Variants in PCDH11Y observed in about 807,000 individuals in gnomAD.
PCDH11Y encodes protocadherin 11 Y-linked, also known as protocadherin-11 Y-linked.
For synonymous variants in PCDH11Y, 9 were observed against 83.6 expected (o/e 0.11, Z 4.87); for missense variants, 12 against 224.8 (o/e 0.05, Z 6.05).
chrY:5,349,475 C>G, intron 2 of PCDH11Y, among the ~76,000 whole-genome samples: 1 of 32,948 alleles, frequency 3.0e-5, no homozygotes, highest in Non-Finnish European at 7.4e-5. Context: ...ATTGTGAGCT[C>G]CATGTGGGTT....
At chrY:5,326,241 G>A in intron 2 of PCDH11Y, among the ~76,000 whole-genome samples, 4 of 32,793 alleles carry the variant, frequency 1.2e-4, no homozygotes, top group African/African-American at 4.8e-4. Flanking sequence ...TTCAGTGAAA[G>A]TGTCTATTTA....
intron 1 of PCDH11Y, among the ~76,000 whole-genome samples, chrY:5,095,023 A>G: frequency 3.0e-5 from 1 of 32,984 alleles, no homozygotes; most frequent in Non-Finnish European, 7.6e-5. Flanking sequence ...AGCAAAGGCC[A>G]ACTCAAAATT....
At chrY:5,116,354 TC>T in intron 2 of PCDH11Y, among the ~76,000 whole-genome samples, 1 of 33,588 alleles carries the variant, frequency 3.0e-5, no homozygotes, top group East Asian at 8.1e-4. Flanking sequence ...TTTTCAATCA[TC>T]CCAGATAAAA....
intron 2 of PCDH11Y, among the ~76,000 whole-genome samples, chrY:5,442,395 A>C: frequency 3.1e-5 from 1 of 32,443 alleles, no homozygotes. Context: ...ATCTCCTGGA[A>C]TTGTGAGCCC....
intron 4 of PCDH11Y, among the ~76,000 whole-genome samples, chrY:5,691,759 A>C: frequency 6.3e-5 from 2 of 31,943 alleles, no homozygotes; most frequent in Non-Finnish European, 1.5e-4. Flanking sequence ...TTTAAAAAAC[A>C]AACTGAGGGC....
At chrY:5,683,256 C>CA (rs2053560292) in intron 4 of PCDH11Y, among the ~76,000 whole-genome samples, 1 of 31,780 alleles carries the variant, frequency 3.1e-5, no homozygotes, top group African/African-American at 1.2e-4. Context: ...TAGGAATTGG[C>CA]AAAAAAAGTG....
intron 4 of PCDH11Y, among the ~76,000 whole-genome samples, chrY:5,597,831 A>C (rs2124699194): frequency 3.1e-5 from 1 of 32,399 alleles, no homozygotes; most frequent in Admixed American, 2.9e-4. Context: ...GGGAAAGGGT[A>C]GGAGAGGGGT....
At chrY:5,338,759 C>T in intron 2 of PCDH11Y, 1 of 265,268 alleles carries the variant, frequency 3.8e-6, no homozygotes, top group Non-Finnish European at 6.1e-6. Flanking sequence ...TACATTATAA[C>T]CCCTGATACA....
At chrY:5,688,349 C>T in intron 4 of PCDH11Y, among the ~76,000 whole-genome samples, 1 of 30,056 alleles carries the variant, frequency 3.3e-5, no homozygotes, top group Non-Finnish European at 8.0e-5. Flanking sequence ...AAATTTTGAG[C>T]CATGGGCAAT....
chrY:5,298,616 G>A, intron 2 of PCDH11Y, among the ~76,000 whole-genome samples: 2 of 33,243 alleles, frequency 6.0e-5, no homozygotes, highest in African/African-American at 1.2e-4. Flanking sequence ...TCATTTACAC[G>A]TGGTCATTCA....
At chrY:5,706,998 G>A (rs2053583429) in intron 4 of PCDH11Y, among the ~76,000 whole-genome samples, 1 of 32,358 alleles carries the variant, frequency 3.1e-5, no homozygotes, top group Admixed American at 2.8e-4. Flanking sequence ...TCCTAGGGAA[G>A]CATTACTGTG....
chrY:5,400,733 C>T (rs1602919817), intron 2 of PCDH11Y, among the ~76,000 whole-genome samples: 1 of 23,848 alleles, frequency 4.2e-5, no homozygotes, highest in Non-Finnish European at 9.8e-5. Flanking sequence ...AAAGGAAAAG[C>T]AAGCAGATAT....
At chrY:5,656,529 C>T in intron 4 of PCDH11Y, among the ~76,000 whole-genome samples, 2 of 29,963 alleles carry the variant, frequency 6.7e-5, no homozygotes, top group Middle Eastern at 0.014. Flanking sequence ...ATTTTCCCCC[C>T]CAAAAGTGAA....
chrY:5,115,551 A>G, intron 2 of PCDH11Y, among the ~76,000 whole-genome samples: 1 of 30,827 alleles, frequency 3.2e-5, no homozygotes, highest in Non-Finnish European at 7.7e-5. Context: ...TCAAATGTAC[A>G]TATATGTATG....
At chrY:5,739,674 C>T in exon 5 of PCDH11Y, 3 of 33,012 alleles carry the variant, frequency 9.1e-5, no homozygotes, top group South Asian at 6.7e-4. Context: ...GGTTAAGTAG[C>T]GTTTTCAGAA....
At chrY:5,080,312 C>A in intron 1 of PCDH11Y, among the ~76,000 whole-genome samples, 1 of 32,980 alleles carries the variant, frequency 3.0e-5, no homozygotes, top group Non-Finnish European at 7.4e-5. Flanking sequence ...CTGTTACAGT[C>A]TCTGCCTGTT....
intron 2 of PCDH11Y, among the ~76,000 whole-genome samples, chrY:5,312,544 TATATATATAAGAAATATATATAAGAA>T (rs2053102509): frequency 1.1e-4 from 3 of 26,800 alleles, no homozygotes; most frequent in South Asian, 1.8e-3. Flanking sequence ...ATATATAAGA[TATATATATAAGAAATATATATAAGAA>T]ATATATATAA....
intron 4 of PCDH11Y, among the ~76,000 whole-genome samples, chrY:5,718,735 T>A (rs2053592108): frequency 3.0e-5 from 1 of 33,251 alleles, no homozygotes; most frequent in East Asian, 8.0e-4. Flanking sequence ...ATTAGGGCAC[T>A]GTTATTATAT....
chrY:5,125,498 A>G (rs2052824067), intron 2 of PCDH11Y, among the ~76,000 whole-genome samples: 5 of 33,498 alleles, frequency 1.5e-4, no homozygotes, highest in African/African-American at 2.3e-4. Context: ...TATACTAAAC[A>G]AAACTCTCCA....
Sources: allele counts gnomAD v4.1 joint callset (sites outside exome capture counted in the v4.1 genomes callset), GRCh38; gene constraint gnomAD v4.1.1; transcripts MANE v1.5; gene names NCBI Gene and HGNC (gene_info 2026-07-23, HGNC 2026-07-21).